The following CARMIL1 variants were observed in gnomAD, a reference collection of about 807,000 sequenced individuals.
The protein encoded by CARMIL1 is capping protein regulator and myosin 1 linker 1, also known as F-actin-uncapping protein LRRC16A.
CARMIL1 carries 90 observed loss-of-function variants against 177.1 expected under a neutral mutation model. The ratio of observed to expected loss-of-function variants is 0.51; its 90% CI spans 0.43 to 0.61. The LOEUF is 0.61. CARMIL1 is among the 20% of genes least tolerant of loss of function. CARMIL1 has a pLI of 0.00. For missense variants in CARMIL1, 1,380 were observed against 1,667.0 expected (o/e 0.83, Z 3.00); for synonymous variants, 577 against 606.2 (o/e 0.95, Z 0.71).
chr6:25,452,023 A>T, intron 8 of CARMIL1: 3 of 305,552 alleles, frequency 9.8e-6, no homozygotes, highest in South Asian at 4.9e-5. Flanking sequence ...GTTTTGAATT[A>T]TTTTTCCACC....
chr6:25,407,771 G>T (rs1258812313), intron 2 of CARMIL1, among the ~76,000 whole-genome samples: 1 of 152,204 alleles, frequency 6.6e-6, no homozygotes, highest in Admixed American at 6.5e-5. Context: ...GATGAAGATA[G>T]GTTAGTGCTG....
At position 25,614,458 on chromosome 6, in the gene CARMIL1, G is replaced by A. The variant is rs535529144; in HGVS notation, c.3979+4277G>A. On this transcript the variant is annotated intron_variant, in intron 36 of 36. Transcript: ENST00000329474. ...TCTACAAGAAAGTTTCTCTCATATG[G>A]CCAAGAAAATCTCTATCTTCAGTCC... Among the ~76,000 whole-genome samples, 3 of 152,262 alleles carry A rather than the reference G, an allele frequency of 2.0e-5. No individual in the cohort carries two copies. In the East Asian group the frequency reaches 5.8e-4, roughly 29 times the overall value.
At chr6:25,346,659 C>T (rs1332202198) in intron 2 of CARMIL1, among the ~76,000 whole-genome samples, 5 of 152,068 alleles carry the variant, frequency 3.3e-5, no homozygotes, top group African/African-American at 1.2e-4. Flanking sequence ...TTGCTTATTC[C>T]TGGGGACTAG....
intron 2 of CARMIL1, among the ~76,000 whole-genome samples, chr6:25,418,367 C>A (rs1435154246): frequency 6.6e-6 from 1 of 152,014 alleles, no homozygotes; most frequent in Non-Finnish European, 1.5e-5. Context: ...TTATTGTTAT[C>A]GTCTTGAAAT....
chr6:25,584,413 C>T (rs1179906505), intron 31 of CARMIL1, among the ~76,000 whole-genome samples: 1 of 146,482 alleles, frequency 6.8e-6, no homozygotes, highest in African/African-American at 2.6e-5. Flanking sequence ...GAGGTGCATA[C>T]TAGATATTGC....
chr6:25,559,394 G>T (rs1229783072), intron 29 of CARMIL1, among the ~76,000 whole-genome samples: 1 of 152,192 alleles, frequency 6.6e-6, no homozygotes, highest in African/African-American at 2.4e-5. Context: ...TTTTCTAAAT[G>T]AGTGTATGCA....
At chr6:25,555,319 CA>C (rs1461176165) in intron 28 of CARMIL1, among the ~76,000 whole-genome samples, 1 of 152,162 alleles carries the variant, frequency 6.6e-6, no homozygotes, top group Admixed American at 6.5e-5. Flanking sequence ...TAAAGAGCTA[CA>C]TGATTGTTTA....
chr6:25,485,889 G>C (rs934269636), intron 12 of CARMIL1, among the ~76,000 whole-genome samples: 1 of 151,464 alleles, frequency 6.6e-6, no homozygotes, highest in Non-Finnish European at 1.5e-5. Context: ...TAAGCTTCTG[G>C]TGAATTTGAC....
intron 31 of CARMIL1, among the ~76,000 whole-genome samples, chr6:25,593,542 G>T (rs1267837504): frequency 2.6e-5 from 4 of 152,170 alleles, no homozygotes; most frequent in Non-Finnish European, 4.4e-5. Context: ...TAAACAATGA[G>T]AAATATTTAT....
intron 24 of CARMIL1, among the ~76,000 whole-genome samples, chr6:25,534,546 C>T (rs1808100599): frequency 6.6e-6 from 1 of 152,180 alleles, no homozygotes; most frequent in African/African-American, 2.4e-5. Context: ...TTTTTAACCT[C>T]AGCTAGGTGT....
intron 2 of CARMIL1, among the ~76,000 whole-genome samples, chr6:25,390,495 AT>A (rs1792694460): frequency 6.6e-6 from 1 of 150,618 alleles, no homozygotes; most frequent in Non-Finnish European, 1.5e-5. Flanking sequence ...CTATTTTTAT[AT>A]TTTTTTGTAG....
At chr6:25,544,602 A>G (rs1809246473) in intron 26 of CARMIL1, among the ~76,000 whole-genome samples, 1 of 125,766 alleles carries the variant, frequency 8.0e-6, no homozygotes, top group South Asian at 2.8e-4. Flanking sequence ...TACTGTTACT[A>G]GACTACACAC....
rs147645822 is a variant in CARMIL1, at chr6:25,363,766, A to G, written c.139-56348A>G. ...TATAGTTTTATATATAGATTCATAT[A>G]TAGTTGTAAGAAGTTATACAGAGTG... is the stretch of plus-strand genomic sequence containing the variant. On this transcript the variant is annotated intron_variant, in intron 2 of 36. Transcript: ENST00000329474. 2.7e-4 allele frequency among the ~76,000 whole-genome samples: 41 copies of G among 152,344 alleles called. No individual in the cohort carries two copies. In the East Asian group the frequency reaches 7.9e-3, roughly 29 times the overall value.
At chr6:25,390,309 TATATATATATA>T (rs201988803) in intron 2 of CARMIL1, among the ~76,000 whole-genome samples, 5,656 of 63,788 alleles carry the variant, frequency 0.089, 288 homozygotes, top group Non-Finnish European at 0.12. Flanking sequence ...TATATATATA[TATATATATATA>T]TTTTTTTTTT....
chr6:25,404,214 A>G (rs969970729), intron 2 of CARMIL1, among the ~76,000 whole-genome samples: 3 of 152,212 alleles, frequency 2.0e-5, no homozygotes, highest in African/African-American at 4.8e-5. Flanking sequence ...AGTTTGAACC[A>G]GGGCTTCAGG....
intron 2 of CARMIL1, among the ~76,000 whole-genome samples, chr6:25,308,333 T>C (rs1351722238): frequency 6.6e-6 from 1 of 151,822 alleles, no homozygotes; most frequent in Admixed American, 6.6e-5. Flanking sequence ...CTCTTATTAA[T>C]AGAATTTCAT....
Position 25,510,594 on chromosome 6 carries a change from A to T in CARMIL1, c.1565A>T (p.Asn522Ile), listed in dbSNP as rs1805369354. The T allele has an allele frequency of 6.5e-7, 1 of 1,548,254 alleles. No individual in the cohort carries two copies. The highest frequency in any genetic ancestry group is 2.4e-5 in the East Asian group (1 of 41,306). ...QHLALGKNFN[N>I]MKSKNLTPVL... ...CTGGCGTTAGGCAAAAATTTTAATAATATGAAATCCAAGTAAGAGTTTTGA... is the reference window on the plus strand; with the variant it reads ...CTGGCGTTAGGCAAAAATTTTAATATTATGAAATCCAAGTAAGAGTTTTGA... Residue 522 changes from asparagine to isoleucine, a missense_variant, in exon 19 of 37, where the codon AAT (asparagine) becomes ATT (isoleucine). Coordinates refer to ENST00000329474, the MANE Select transcript of CARMIL1 (RefSeq NM_017640.6).
intron 24 of CARMIL1, among the ~76,000 whole-genome samples, chr6:25,535,123 A>G (rs1304950748): frequency 6.6e-6 from 1 of 152,164 alleles, no homozygotes; most frequent in African/African-American, 2.4e-5. Flanking sequence ...TATACTTTCT[A>G]CAGTAAGGAA....
intron 2 of CARMIL1, among the ~76,000 whole-genome samples, chr6:25,378,383 A>G (rs1424146180): frequency 3.3e-5 from 5 of 152,172 alleles, no homozygotes; most frequent in African/African-American, 1.2e-4. Flanking sequence ...GTGCTCTCTT[A>G]TGGCTGCAGC....
Sources: gnomAD v4.1 joint callset for allele counts (sites outside exome capture counted in the v4.1 genomes callset) on GRCh38, gnomAD v4.1.1 for gene constraint, MANE v1.5 for transcripts, NCBI Gene and HGNC (gene_info 2026-07-23, HGNC 2026-07-21) for gene names.